Variants in LIMCH1 observed in about 807,000 individuals in gnomAD.
The protein encoded by LIMCH1 is LIM and calponin homology domains-containing protein 1.
Under a neutral mutation model 176.5 loss-of-function variants are expected in LIMCH1, and 113 were observed. That is an observed-to-expected ratio of 0.64 (90% CI 0.55 to 0.75). LIMCH1 has a LOEUF of 0.75. Ranked by LOEUF, LIMCH1 falls within the 30% of genes least tolerant of loss-of-function variation. The pLI, the probability that LIMCH1 is intolerant of heterozygous loss-of-function variation, is 0.00. For missense variants in LIMCH1, 1,674 were observed against 1,814.9 expected, an observed-to-expected ratio of 0.92 and a Z score of 1.41; for synonymous variants, 619 against 645.9, an observed-to-expected ratio of 0.96 and a Z score of 0.63.
chr4:41,361,075 C>T (rs2051942672), intron 1 of LIMCH1: 5 of 538,542 alleles, frequency 9.3e-6, no homozygotes, highest in Admixed American at 3.7e-5. Context: ...GTCACCCCCC[C>T]GGGCCTCGGC....
chr4:41,670,827 T>A (rs1319383680), intron 21 of LIMCH1: 2 of 1,534,672 alleles, frequency 1.3e-6, no homozygotes, highest in Non-Finnish European at 1.7e-6. Flanking sequence ...ATTTCTTTTG[T>A]GCGAAAATCC....
In LIMCH1 at chr4:41,631,421, A is replaced by G; in HGVS notation, c.1545A>G (p.Ser515=). Reference sequence around the variant, plus strand: ...AAATGGACTCTGTGTCTCCTGTCTCAGCGGCCACTTCCAGCTTAAAGGGCC... The same window carrying G: ...AAATGGACTCTGTGTCTCCTGTCTCGGCGGCCACTTCCAGCTTAAAGGGCC... ...KIQMDSVSPV[S]AATSSLKGHQ... is the part of the protein sequence containing the mutation. Residue 515 remains serine, a synonymous_variant, in exon 10 of 32, where the codon TCA becomes TCG. Transcript: ENST00000503057. 1 of 1,531,878 alleles carries G rather than the reference A, an allele frequency of 6.5e-7. No homozygotes were observed. The highest frequency in any genetic ancestry group is 2.4e-5 in the East Asian group (1 of 40,892). The allele number at this position is 1,531,878 out of a possible 1,614,324, so 94.9% of individuals were successfully genotyped here.
intron 1 of LIMCH1, among the ~76,000 whole-genome samples, chr4:41,455,719 C>T (rs926108078): frequency 2.0e-5 from 3 of 152,294 alleles, no homozygotes; most frequent in African/African-American, 7.2e-5. Flanking sequence ...CGACTCAGCG[C>T]ACAAGTTAAT....
intron 2 of LIMCH1, among the ~76,000 whole-genome samples, chr4:41,511,578 TC>T (rs1215123432): frequency 6.6e-6 from 1 of 152,226 alleles, no homozygotes; most frequent in East Asian, 1.9e-4. Context: ...GATGATAAAT[TC>T]CTTGAAGTAC....
At chr4:41,604,668 C>A (rs553888876) in intron 3 of LIMCH1, among the ~76,000 whole-genome samples, 4 of 152,190 alleles carry the variant, frequency 2.6e-5, no homozygotes, top group South Asian at 2.1e-4. Flanking sequence ...TTCCATTCCC[C>A]CGTTATACCT....
In LIMCH1 at chr4:41,526,202, A is replaced by G. The variant is rs149580878; in HGVS notation, c.237+1724A>G. 2.2e-4 allele frequency among the ~76,000 whole-genome samples: 33 copies of G among 149,564 alleles called. 1 individual carries two copies. Among genetic ancestry groups the G allele is most frequent in the African/African-American group, 7.6e-4 (31 of 40,684 alleles). The stretch of plus-strand genomic sequence containing the variant: ...TTTCCTTCTATTTATGTTCTTGACT[A>G]GTATTCCTCTACTTTCTTTTTTCAT... On this transcript the variant is annotated intron_variant, in intron 3 of 26. Transcript: ENST00000313860.
At chr4:41,419,901 C>A (rs902328916) in intron 1 of LIMCH1, among the ~76,000 whole-genome samples, 2 of 151,798 alleles carry the variant, frequency 1.3e-5, no homozygotes, top group Admixed American at 6.6e-5. Context: ...TAACTTCGAA[C>A]CAGATGGAAA....
In LIMCH1 at chr4:41,478,748, G is replaced by A. The variant is rs191461231; in HGVS notation, c.97-15788G>A. Among the ~76,000 whole-genome samples the A allele has an allele frequency of 2.3e-3, 353 of 152,240 alleles. 1 individual carries two copies. Among genetic ancestry groups the A allele is most frequent in the African/African-American group, 8.1e-3 (338 of 41,552 alleles). On this transcript the variant is annotated intron_variant, in intron 1 of 26. Transcript: ENST00000313860. Reference sequence around the variant, plus strand: ...CCCCTTCTTCCTTCCCATCCTCATTGGTAACGTCATGTCGATTTGATGGCT... The same window carrying A: ...CCCCTTCTTCCTTCCCATCCTCATTAGTAACGTCATGTCGATTTGATGGCT...
At chr4:41,534,478 C>T (rs78629053), upstream of LIMCH1, among the ~76,000 whole-genome samples, 1,301 of 152,236 alleles carry the variant, frequency 8.5e-3, 28 homozygotes, top group African/African-American at 0.03. Context: ...TAATAGGAAT[C>T]ATGGGAACAT....
At chr4:41,606,952 C>T (rs2090808981) in intron 4 of LIMCH1, among the ~76,000 whole-genome samples, 1 of 152,166 alleles carries the variant, frequency 6.6e-6, no homozygotes, top group Admixed American at 6.5e-5. Flanking sequence ...GCAGCCACCA[C>T]TAAGCCTGGC....
At chr4:41,682,763 A>G (rs965150716) in intron 26 of LIMCH1, among the ~76,000 whole-genome samples, 5 of 145,986 alleles carry the variant, frequency 3.4e-5, no homozygotes, top group African/African-American at 1.3e-4. Context: ...TGCAACTGCT[A>G]CCTCCCAGGT....
At position 41,676,434 on chromosome 4, in the gene LIMCH1, G is replaced by A. The variant is rs1270058429; in HGVS notation, c.3491G>A (p.Trp1164Ter). ...GAGGAGCGCAGGCGACAGGAAAAATGGCAACAGGAACAGGAACGTTTGCTC... is the reference window on the plus strand; with the variant it reads ...GAGGAGCGCAGGCGACAGGAAAAATAGCAACAGGAACAGGAACGTTTGCTC... The part of the protein sequence containing the change: ...PEEERRRQEK[W>*]QQEQERLLQE... Residue 1164 changes from tryptophan to a stop codon, truncating the protein, a stop_gained, in exon 23 of 32, where the codon TGG becomes TAG. Coordinates refer to ENST00000503057, the MANE Select transcript of LIMCH1 (RefSeq NM_001330672.2). LOFTEE classifies it high-confidence loss of function. The A allele has an allele frequency of 6.2e-7, 1 of 1,613,992 alleles. No homozygotes were observed. Among genetic ancestry groups the A allele is most frequent in the Admixed American group, 1.7e-5 (1 of 60,026 alleles).
chr4:41,359,849 C>T (rs1004076013), upstream of LIMCH1: 1 of 152,140 alleles, frequency 6.6e-6, no homozygotes, highest in Non-Finnish European at 1.5e-5. Context: ...GAAATTACCC[C>T]GCGCTTTTTC....
At chr4:41,679,361 T>C (rs1713747564) in intron 23 of LIMCH1, among the ~76,000 whole-genome samples, 2 of 152,128 alleles carry the variant, frequency 1.3e-5, no homozygotes, top group South Asian at 4.1e-4. Context: ...TAGTGTGTTC[T>C]TTTTTCCCCC....
intron 1 of LIMCH1, among the ~76,000 whole-genome samples, chr4:41,419,616 T>G (rs200389364): frequency 7.5e-4 from 68 of 90,896 alleles, no homozygotes; most frequent in African/African-American, 3.5e-3. Flanking sequence ...CCTTCCTTCC[T>G]TCCTTCCTTC....
intron 1 of LIMCH1, among the ~76,000 whole-genome samples, chr4:41,490,048 T>C (rs1177192184): frequency 6.6e-6 from 1 of 152,124 alleles, no homozygotes; most frequent in Admixed American, 6.5e-5. Flanking sequence ...AAGGTATTCA[T>C]CCTCATCTTC....
intron 1 of LIMCH1, among the ~76,000 whole-genome samples, chr4:41,439,511 G>A (rs1397882746): frequency 6.6e-6 from 1 of 152,130 alleles, no homozygotes; most frequent in Non-Finnish European, 1.5e-5. Flanking sequence ...GTGAGCCCTG[G>A]AGGTCAAGGC....
At chr4:41,672,782 A>C (rs1343245939) in intron 22 of LIMCH1, among the ~76,000 whole-genome samples, 1 of 152,194 alleles carries the variant, frequency 6.6e-6, no homozygotes, top group African/African-American at 2.4e-5. Flanking sequence ...CAACTGTGGC[A>C]TTGCCCATGA....
At chr4:41,463,269 T>TA (rs2065640603) in intron 1 of LIMCH1, among the ~76,000 whole-genome samples, 1 of 152,078 alleles carries the variant, frequency 6.6e-6, no homozygotes, top group Non-Finnish European at 1.5e-5. Context: ...ATTGGCTTCC[T>TA]AGGAGTCACT....
Sources: gnomAD v4.1 joint callset for allele counts (sites outside exome capture counted in the v4.1 genomes callset) on GRCh38, gnomAD v4.1.1 for gene constraint, MANE v1.5 for transcripts, NCBI Gene and HGNC (gene_info 2026-07-23, HGNC 2026-07-21) for gene names.